The following ASIC2 variants were observed in gnomAD, a reference collection of about 807,000 sequenced individuals.
ASIC2 encodes the protein acid-sensing ion channel 2.
In ASIC2, 25 loss-of-function variants were observed where a neutral mutation model predicts 57.3. The ratio of observed to expected loss-of-function variants is 0.44; its 90% CI spans 0.32 to 0.61. The LOEUF (loss-of-function observed/expected upper bound fraction) is 0.61, where lower values mean the gene tolerates loss of function less well. ASIC2 is among the 20% of genes least tolerant of loss of function. The pLI, the probability that ASIC2 is intolerant of heterozygous loss-of-function variation, is 0.06. For missense variants in ASIC2, 641 were observed against 738.1 expected, an observed-to-expected ratio of 0.87 and a Z score of 1.52; for synonymous variants, 319 against 307.5, an observed-to-expected ratio of 1.04 and a Z score of -0.39.
intron 1 of ASIC2, among the ~76,000 whole-genome samples, chr17:33,260,835 G>A (rs1909253523): frequency 6.6e-6 from 1 of 152,144 alleles, no homozygotes; most frequent in African/African-American, 2.4e-5. Flanking sequence ...CAGCCCCAGT[G>A]CGTCTGCATG....
intron 1 of ASIC2, among the ~76,000 whole-genome samples, chr17:33,451,179 C>T (rs1912235031): frequency 6.6e-6 from 1 of 151,892 alleles, no homozygotes; most frequent in Admixed American, 6.6e-5. Context: ...GCTTCAGCCA[C>T]CCGAGTAGCT....
intron 1 of ASIC2, among the ~76,000 whole-genome samples, chr17:33,949,270 C>T (rs1474632350): frequency 2.6e-5 from 4 of 152,032 alleles, no homozygotes; most frequent in African/African-American, 7.3e-5. Flanking sequence ...TGGCAGGGCA[C>T]GAGCGAGAAC....
At chr17:34,049,007 T>C (rs963108913) in intron 1 of ASIC2, among the ~76,000 whole-genome samples, 5 of 152,166 alleles carry the variant, frequency 3.3e-5, no homozygotes, top group Admixed American at 6.5e-5. Flanking sequence ...TTTAGGAATA[T>C]GTTGTGGTGC....
At chr17:34,148,633 A>G (rs1418840961) in intron 1 of ASIC2, among the ~76,000 whole-genome samples, 1 of 152,200 alleles carries the variant, frequency 6.6e-6, no homozygotes, top group African/African-American at 2.4e-5. Flanking sequence ...TTGCAAGAAG[A>G]ACCAGAGTTG....
intron 1 of ASIC2, among the ~76,000 whole-genome samples, chr17:33,237,417 C>A (rs566561954): frequency 3.3e-5 from 5 of 151,444 alleles, no homozygotes; most frequent in Admixed American, 2.6e-4. Context: ...ATGGCATGAT[C>A]TCAGCTCACC....
chr17:33,820,824 G>A (rs377499910), intron 1 of ASIC2, among the ~76,000 whole-genome samples: 6 of 152,134 alleles, frequency 3.9e-5, no homozygotes, highest in Non-Finnish European at 5.9e-5. Context: ...CTACTGGTGC[G>A]TGTCATCATG....
chr17:33,388,393 C>T (rs962744757), intron 1 of ASIC2, among the ~76,000 whole-genome samples: 1 of 152,176 alleles, frequency 6.6e-6, no homozygotes, highest in African/African-American at 2.4e-5. Flanking sequence ...AGAATGGGCC[C>T]AGGACTGCTG....
At chr17:33,323,176 C>T (rs1397440030) in intron 1 of ASIC2, among the ~76,000 whole-genome samples, 1 of 152,094 alleles carries the variant, frequency 6.6e-6, no homozygotes, top group Admixed American at 6.5e-5. Context: ...CATTCTGCTC[C>T]CAGGTATATA....
chr17:34,052,677 C>T (rs180941260), intron 1 of ASIC2, among the ~76,000 whole-genome samples: 58 of 151,200 alleles, frequency 3.8e-4, no homozygotes, highest in African/African-American at 1.3e-3. Flanking sequence ...AGTGCAATGG[C>T]GTGATCAAGG....
chr17:33,329,506 A>G (rs890612715), intron 1 of ASIC2, among the ~76,000 whole-genome samples: 4 of 152,202 alleles, frequency 2.6e-5, no homozygotes, highest in Admixed American at 6.5e-5. Flanking sequence ...GAGAAAATTC[A>G]TGCCCAAATT....
intron 1 of ASIC2, among the ~76,000 whole-genome samples, chr17:33,991,285 A>T (rs777432308): frequency 6.6e-6 from 1 of 152,200 alleles, no homozygotes; most frequent in Non-Finnish European, 1.5e-5. Flanking sequence ...TTTACTGATA[A>T]AGAGAAGACA....
chr17:33,789,002 G>T (rs763563651), intron 1 of ASIC2, among the ~76,000 whole-genome samples: 2 of 152,082 alleles, frequency 1.3e-5, no homozygotes, highest in African/African-American at 4.8e-5. Flanking sequence ...TGCACATTCT[G>T]CACATGTATC....
chr17:33,386,569 C>T (rs975939026), intron 1 of ASIC2, among the ~76,000 whole-genome samples: 2 of 152,178 alleles, frequency 1.3e-5, no homozygotes, highest in African/African-American at 2.4e-5. Context: ...TTTACTGCCA[C>T]CTCTCTGAGC....
intron 1 of ASIC2, among the ~76,000 whole-genome samples, chr17:33,348,927 C>T (rs908982893): frequency 1.3e-5 from 2 of 152,176 alleles, no homozygotes; most frequent in African/African-American, 4.8e-5. Context: ...TGTGGGAAAC[C>T]TGATCGGTGC....
At chr17:33,383,920 C>A (rs926626294) in intron 1 of ASIC2, among the ~76,000 whole-genome samples, 2 of 152,144 alleles carry the variant, frequency 1.3e-5, no homozygotes, top group Non-Finnish European at 2.9e-5. Flanking sequence ...TTAGCAGAAG[C>A]ATCAAAGGCT....
intron 1 of ASIC2, among the ~76,000 whole-genome samples, chr17:34,030,526 T>C (rs929213665): frequency 4.6e-5 from 7 of 152,180 alleles, no homozygotes; most frequent in Non-Finnish European, 1.0e-4. Flanking sequence ...GTAGGTGCAG[T>C]GCACCGTGCG....
intron 1 of ASIC2, among the ~76,000 whole-genome samples, chr17:33,921,718 A>G (rs1316170297): frequency 6.6e-6 from 1 of 152,064 alleles, no homozygotes; most frequent in African/African-American, 2.4e-5. Flanking sequence ...TGCAAAATGG[A>G]CTCTGGAATT....
intron 1 of ASIC2, among the ~76,000 whole-genome samples, chr17:33,117,349 T>C (rs2092285281): frequency 6.6e-6 from 1 of 151,988 alleles, no homozygotes; most frequent in African/African-American, 2.4e-5. Flanking sequence ...CTAATGTTTG[T>C]ATTTTTAGTA....
At chr17:34,051,892 G>A (rs1026024073) in intron 1 of ASIC2, among the ~76,000 whole-genome samples, 1 of 150,728 alleles carries the variant, frequency 6.6e-6, no homozygotes, top group Non-Finnish European at 1.5e-5. Context: ...GCGAGAGAGC[G>A]AGAGAGTGAG....
Sources: gnomAD v4.1 joint callset for allele counts (sites outside exome capture counted in the v4.1 genomes callset) on GRCh38, gnomAD v4.1.1 for gene constraint, MANE v1.5 for transcripts, NCBI Gene and HGNC (gene_info 2026-07-23, HGNC 2026-07-21) for gene names.